Variants in CLIC5 observed in about 807,000 individuals in gnomAD.
CLIC5 encodes CLIC family member 5, also known as chloride intracellular channel protein 5.
CLIC5 carries 20 observed loss-of-function variants against 24.7 expected under a neutral mutation model. That is an observed-to-expected ratio of 0.81 (90% CI 0.57 to 1.18). The LOEUF is 1.18. Ranked by LOEUF, CLIC5 falls within the 50% of genes most tolerant of loss-of-function variation. The pLI, the probability that CLIC5 is intolerant of heterozygous loss-of-function variation, is 0.00. For missense variants in CLIC5, 341 were observed against 326.1 expected (o/e 1.05, Z -0.35); for synonymous variants, 159 against 135.6 (o/e 1.17, Z -1.20).
chr6:45,910,531 G>A (rs1411720894), intron 5 of CLIC5, among the ~76,000 whole-genome samples: 3 of 152,162 alleles, frequency 2.0e-5, no homozygotes, highest in African/African-American at 7.2e-5. Context: ...AATGTTACAT[G>A]ATAAATTAAT....
At chr6:45,919,582 C>T (rs1361215) in intron 4 of CLIC5, among the ~76,000 whole-genome samples, 41,109 of 151,938 alleles carry the variant, frequency 0.27, 5,880 homozygotes, top group East Asian at 0.47. Flanking sequence ...AAATGGCCCA[C>T]CAATCATTGA....
chr6:46,012,466 G>A (rs1364577386), intron 1 of CLIC5, among the ~76,000 whole-genome samples: 1 of 152,222 alleles, frequency 6.6e-6, no homozygotes, highest in African/African-American at 2.4e-5. Flanking sequence ...TTCCCCGAAA[G>A]GGAAAGACTC....
chr6:46,115,642 C>T, the CLIC5 span, among the ~76,000 whole-genome samples: 1 of 152,200 alleles, frequency 6.6e-6, no homozygotes, highest in Non-Finnish European at 1.5e-5. Flanking sequence ...AAGGTGACTT[C>T]AACAGAAGCA....
At chr6:45,995,126 C>T (rs1346905690) in intron 1 of CLIC5, among the ~76,000 whole-genome samples, 1 of 152,100 alleles carries the variant, frequency 6.6e-6, no homozygotes, top group Non-Finnish European at 1.5e-5. Context: ...GCCCCTTTGG[C>T]CACTCCTTAG....
intron 4 of CLIC5, among the ~76,000 whole-genome samples, chr6:45,915,105 T>G (rs1337256116): frequency 1.4e-5 from 2 of 148,102 alleles, no homozygotes; most frequent in South Asian, 2.2e-4. Context: ...AATTTTTGTA[T>G]TTTTAGTAGA....
chr6:45,933,913 A>T (rs115581352), intron 4 of CLIC5, among the ~76,000 whole-genome samples: 1 of 152,056 alleles, frequency 6.6e-6, no homozygotes, highest in Non-Finnish European at 1.5e-5. Flanking sequence ...CAGGTGGGGG[A>T]AGATGGAGAG....
At chr6:46,036,732 C>T (rs915312855) in intron 1 of CLIC5, among the ~76,000 whole-genome samples, 6 of 152,172 alleles carry the variant, frequency 3.9e-5, no homozygotes, top group Non-Finnish European at 8.8e-5. Context: ...TGAATGAATT[C>T]AGTGGCATTT....
At chr6:45,896,857 T>C (rs1762400044), downstream of CLIC5, among the ~76,000 whole-genome samples, 1 of 152,130 alleles carries the variant, frequency 6.6e-6, no homozygotes, top group Non-Finnish European at 1.5e-5. Context: ...ATTCACACAG[T>C]GGAAGCCTGG....
chr6:46,057,605 G>C (rs1768295331), intron 1 of CLIC5, among the ~76,000 whole-genome samples: 1 of 152,170 alleles, frequency 6.6e-6, no homozygotes, highest in African/African-American at 2.4e-5. Context: ...TACCTACAAG[G>C]TAAATTTCAG....
the CLIC5 span, among the ~76,000 whole-genome samples, chr6:46,112,397 CT>C: frequency 1.3e-5 from 2 of 152,190 alleles, no homozygotes; most frequent in Non-Finnish European, 2.9e-5. Flanking sequence ...CTACTCCCAT[CT>C]TTTCCCCCTT....
intron 1 of CLIC5, among the ~76,000 whole-genome samples, chr6:46,069,560 C>T (rs890349417): frequency 1.3e-5 from 2 of 151,604 alleles, no homozygotes; most frequent in African/African-American, 2.4e-5. Flanking sequence ...AAAATTGAAT[C>T]GGTAATAAAT....
At chr6:45,907,655 G>T (rs1406061846) in intron 5 of CLIC5, among the ~76,000 whole-genome samples, 1 of 151,910 alleles carries the variant, frequency 6.6e-6, no homozygotes, top group African/African-American at 2.4e-5. Flanking sequence ...CCTAGTCTGG[G>T]GCTTTTACTG....
intron 1 of CLIC5, among the ~76,000 whole-genome samples, chr6:46,073,203 T>C (rs1392342266): frequency 3.3e-5 from 5 of 152,172 alleles, no homozygotes; most frequent in Non-Finnish European, 5.9e-5. Context: ...TTCCCAGCAC[T>C]CTAATTAAGT....
upstream of CLIC5, chr6:46,080,362 T>A: frequency 1.4e-6 from 1 of 721,280 alleles, no homozygotes; most frequent in East Asian, 2.7e-5. Context: ...AGGCAGCAAC[T>A]AGCAACTGCT....
chr6:46,109,409 G>A, the CLIC5 span, among the ~76,000 whole-genome samples: 1 of 151,394 alleles, frequency 6.6e-6, no homozygotes, highest in African/African-American at 2.4e-5. Context: ...GCCTGGTGCG[G>A]TGGCTTACGC....
At chr6:45,880,922 C>G (rs963771673), downstream of CLIC5, 1 of 386,496 alleles carries the variant, frequency 2.6e-6, no homozygotes, top group Non-Finnish European at 4.6e-6. Context: ...GGTGACATTT[C>G]AAGAGCTAGA....
At chr6:46,119,927 C>T in the CLIC5 span, among the ~76,000 whole-genome samples, 5 of 152,224 alleles carry the variant, frequency 3.3e-5, no homozygotes, top group African/African-American at 4.8e-5. Context: ...GTAAACAAAG[C>T]AGCCAGGAAG....
At chr6:46,066,219 T>C (rs1031276306) in intron 1 of CLIC5, among the ~76,000 whole-genome samples, 1 of 152,138 alleles carries the variant, frequency 6.6e-6, no homozygotes, top group African/African-American at 2.4e-5. Context: ...CAGGGGGCAA[T>C]GTCAGCTGGG....
At chr6:45,937,531 G>A (rs970827633) in intron 4 of CLIC5, 3 of 152,212 alleles carry the variant, frequency 2.0e-5, no homozygotes. Flanking sequence ...ACCCAGGCCG[G>A]GAATTGCACA....
Sources: gnomAD v4.1 joint callset for allele counts (sites outside exome capture counted in the v4.1 genomes callset) on GRCh38, gnomAD v4.1.1 for gene constraint, MANE v1.5 for transcripts, NCBI Gene and HGNC (gene_info 2026-07-23, HGNC 2026-07-21) for gene names.